The following SASS6 variants were observed in gnomAD, a reference collection of about 807,000 sequenced individuals.
SASS6 encodes the protein SAS-6 centriolar assembly protein, also known as spindle assembly abnormal protein 6 homolog.
A neutral mutation model predicts 94.9 loss-of-function variants in SASS6; 59 were observed. The observed-to-expected ratio is 0.62, with a 90% CI of 0.50 to 0.77. The LOEUF (loss-of-function observed/expected upper bound fraction) is 0.77, where lower values mean the gene tolerates loss of function less well. Ranked by LOEUF, SASS6 falls within the 30% of genes least tolerant of loss-of-function variation. The pLI is 0.00. For synonymous variants in SASS6, 264 were observed against 270.0 expected, an observed-to-expected ratio of 0.98 and a Z score of 0.22; for missense variants, 698 against 734.1, an observed-to-expected ratio of 0.95 and a Z score of 0.57.
rs1478221937 is a variant in SASS6 at position 100,088,667 on chromosome 1, T to A, written c.1675-431A>T. Among the ~76,000 whole-genome samples the A allele has an allele frequency of 5.1e-4, 78 of 152,196 alleles. 2 individuals are homozygous for A. ...ACACCATAAAAATACAGGCTTTGGC[T>A]AAGTGTGGTGGCTCACGCCTGTAAT... On this transcript the variant is annotated intron_variant, in intron 14 of 16. Transcript: ENST00000287482.
chr1:100,129,902 TTC>T (rs1258048264), intron 1 of SASS6, among the ~76,000 whole-genome samples: 2 of 152,376 alleles, frequency 1.3e-5, no homozygotes, highest in East Asian at 1.9e-4. Context: ...AATTTCCTTC[TTC>T]TCTGACTTTA....
intron 7 of SASS6, among the ~76,000 whole-genome samples, chr1:100,116,909 A>G (rs921501315): frequency 8.5e-5 from 13 of 152,184 alleles, no homozygotes; most frequent in African/African-American, 3.1e-4. Context: ...AATTTGGGTG[A>G]AAGTTACACA....
intron 12 of SASS6, 82 bp downstream of exon 12, chr1:100,106,830 G>A (rs1051852553): frequency 1.0e-5 from 7 of 672,500 alleles, no homozygotes; most frequent in Admixed American, 2.6e-5. Context: ...CTCCAGCCTC[G>A]GTGACAGAGT....
intron 14 of SASS6, among the ~76,000 whole-genome samples, chr1:100,091,483 G>GT (rs142533233): frequency 0.017 from 2,553 of 152,086 alleles, 44 homozygotes; most frequent in Non-Finnish European, 0.029. Flanking sequence ...CTAGGGAAAT[G>GT]TAAGCAACTC....
intron 2 of SASS6, among the ~76,000 whole-genome samples, chr1:100,125,351 C>T (rs374963429): frequency 8.0e-5 from 12 of 150,840 alleles, no homozygotes; most frequent in African/African-American, 2.7e-4. Flanking sequence ...AGGAGAATGT[C>T]ACCCCACCCC....
At chr1:100,085,684 G>A in intron 15 of SASS6, 54 bp from the exon 16 acceptor site, 1 of 1,080,260 alleles carries the variant, frequency 9.3e-7, no homozygotes, top group Non-Finnish European at 1.4e-6. Flanking sequence ...TAACTTTGAA[G>A]GTTTATCTCA....
rs1483144834 is a variant in SASS6 at position 100,084,428 on chromosome 1, A to G, written c.*900T>C. ...AACAATTCTTAAAACTTTCAGTTAC[A>G]GGGAAGAGAAGAAAATTGTACCTTC... On this transcript the variant is annotated 3_prime_UTR_variant, in exon 17 of 17. Coordinates refer to ENST00000287482, the MANE Select transcript of SASS6 (RefSeq NM_194292.3). 3 of 152,088 alleles carry G rather than the reference A, an allele frequency of 2.0e-5. No individual in the cohort carries two copies. Among genetic ancestry groups the G allele is most frequent in the African/African-American group, 7.2e-5 (3 of 41,452 alleles). 9.4% of individuals were successfully genotyped at this position (152,088 alleles called of 1,614,324 possible).
chr1:100,101,645 C>T (rs1051266412), intron 14 of SASS6, among the ~76,000 whole-genome samples: 23 of 152,176 alleles, frequency 1.5e-4, no homozygotes, highest in Middle Eastern at 3.4e-3. Flanking sequence ...CAAGATACAA[C>T]GACACTTGAG....
chr1:100,101,333 G>GT (rs574489210), intron 14 of SASS6, among the ~76,000 whole-genome samples: 15,292 of 145,762 alleles, frequency 0.1, 889 homozygotes, highest in African/African-American at 0.16. Context: ...CTGTTTTAGG[G>GT]TTTTTTTTTT....
At chr1:100,120,259 G>T in intron 6 of SASS6, 135 bp downstream of exon 6, 1 of 591,096 alleles carries the variant, frequency 1.7e-6, no homozygotes, top group East Asian at 2.8e-5. Flanking sequence ...GTAGTTGAAG[G>T]GTGGCAAAGA....
intron 12 of SASS6, 96 bp from the exon 13 acceptor site, chr1:100,105,999 T>C (rs1652870826): frequency 1.2e-6 from 1 of 847,200 alleles, no homozygotes. Context: ...ATTTTTAAAT[T>C]ATAAGTTTTT....
In SASS6 at chr1:100,085,582, A is replaced by G. The variant is rs144074407; in HGVS notation, c.1821T>C (p.Asp607=). 8.7e-6 allele frequency: 14 copies of G among 1,613,262 alleles called. No individual in the cohort carries two copies. Among genetic ancestry groups the G allele is most frequent in the African/African-American group, 8.0e-5 (6 of 74,918 alleles). The change falls in exon 16 of 17, where the codon GAT becomes GAC. Residue 607 remains aspartate, a synonymous_variant. Coordinates refer to ENST00000287482, the MANE Select transcript of SASS6 (RefSeq NM_194292.3). ...GGCTGAGTCCGCGTAAAGGAATGCT[A>G]TCTTCCCTTTTCTTCAGGTATTTGG... ...LESKYLKKRE[D]SIPLRGLSQN...
chr1:100,125,663 C>T (rs1313790857), intron 2 of SASS6, among the ~76,000 whole-genome samples: 9 of 98,746 alleles, frequency 9.1e-5, no homozygotes, highest in African/African-American at 3.2e-4. Context: ...GAGCAAGACT[C>T]CATCTCAAAA....
At position 100,105,921 on chromosome 1, in the gene SASS6, GAAGC is replaced by G. The variant is rs752100025; in HGVS notation, c.1409-22_1409-19del. 5.9e-6 allele frequency: 9 copies of G among 1,532,718 alleles called. No individual in the cohort carries two copies. The highest frequency in any genetic ancestry group is 1.2e-5 in the South Asian group (1 of 84,614). The allele number at this position is 1,532,718 out of a possible 1,614,324, so 94.9% of individuals were successfully genotyped here. ...CGTGATTACTTAAATAAAAGAACAAGAAGCAAGGTAAAGAATATTGACTGTTTAT... is the reference window on the plus strand; with the variant it reads ...CGTGATTACTTAAATAAAAGAACAAGAAGGTAAAGAATATTGACTGTTTAT... On this transcript the variant is annotated intron_variant, in intron 12 of 16. Coordinates refer to ENST00000287482, the MANE Select transcript of SASS6 (RefSeq NM_194292.3).
intron 14 of SASS6, among the ~76,000 whole-genome samples, 168 bp from the exon 15 acceptor site, chr1:100,088,404 C>G (rs1651454382): frequency 6.6e-6 from 1 of 152,134 alleles, no homozygotes; most frequent in South Asian, 2.1e-4. Context: ...GATCCTCCCA[C>G]CTCATCCTTC....
At chr1:100,124,943 TA>T (rs1171179413) in intron 2 of SASS6, among the ~76,000 whole-genome samples, 2 of 152,118 alleles carry the variant, frequency 1.3e-5, no homozygotes, top group Non-Finnish European at 2.9e-5. Context: ...CGTAGGAGGT[TA>T]CACTCGCTTC....
Position 100,103,060 on chromosome 1 carries a change from T to C in SASS6, c.1569A>G (p.Pro523=). Residue 523 remains proline (P), a synonymous_variant, in exon 14 of 17, where the codon CCA becomes CCG. Transcript: ENST00000287482. ...AGACAGGATAACCAATCCCACAGGTTGGGTAAGTCAGTCTACCATCAACCT... is the reference window on the plus strand; with the variant it reads ...AGACAGGATAACCAATCCCACAGGTCGGGTAAGTCAGTCTACCATCAACCT... ...LNVVDGRLTY[P]TCGIGYPVSS... 1 of 1,603,498 alleles carries C rather than the reference T, an allele frequency of 6.2e-7. No homozygotes were observed. The highest frequency in any genetic ancestry group is 2.2e-5 in the East Asian group (1 of 44,786).
At position 100,085,243 on chromosome 1, in the gene SASS6, A is replaced by C. The variant is rs144334982; in HGVS notation, c.*85T>G. 4.0e-4 allele frequency: 338 copies of C among 847,164 alleles called. No individual in the cohort carries two copies. The East Asian group carries it at 7.8e-3, about 19-fold the overall frequency. The allele number at this position is 847,164 out of a possible 1,614,324, so 52.5% of individuals were successfully genotyped here. On this transcript the variant is annotated 3_prime_UTR_variant, in exon 17 of 17. Transcript: ENST00000287482. ...GCTCAAGTAAAATTTGAAACTTGCTATTTGAGGATCTGGTTTGTGTTGACA... is the reference window on the plus strand; with the variant it reads ...GCTCAAGTAAAATTTGAAACTTGCTCTTTGAGGATCTGGTTTGTGTTGACA...
chr1:100,122,230 A>C, intron 4 of SASS6, 150 bp downstream of exon 4: 1 of 432,434 alleles, frequency 2.3e-6, no homozygotes, highest in Non-Finnish European at 4.1e-6. Context: ...GATGCCTTAA[A>C]GTCTGAGATT....
Sources: gnomAD v4.1 joint callset for allele counts (sites outside exome capture counted in the v4.1 genomes callset) on GRCh38, gnomAD v4.1.1 for gene constraint, MANE v1.5 for transcripts, NCBI Gene and HGNC (gene_info 2026-07-23, HGNC 2026-07-21) for gene names.